Variants in PSMB7 observed in about 807,000 individuals in gnomAD.
The protein encoded by PSMB7 is proteasome subunit beta type-7.
A neutral mutation model predicts 28.1 loss-of-function variants in PSMB7; 5 were observed. The observed-to-expected ratio is 0.18, with a 90% confidence interval of 0.09 to 0.37. The LOEUF (loss-of-function observed/expected upper bound fraction) is 0.37. Ranked by LOEUF, PSMB7 falls within the 10% of genes least tolerant of loss-of-function variation. PSMB7 has a pLI of 1.00. For synonymous variants in PSMB7, 122 were observed against 123.7 expected, an observed-to-expected ratio of 0.99 and a Z score of 0.09; for missense variants, 275 against 346.2, an observed-to-expected ratio of 0.79 and a Z score of 1.63.
In PSMB7 at chr9:124,366,940, A is replaced by G. The variant is rs373085709; in HGVS notation, c.571-10025T>C. ...TAGGTTTGTGTAAGTACATCCTATG[A>G]CATTCACGTGATGACAAAATCACCT... is the stretch of plus-strand genomic sequence containing the variant. On this transcript the variant is annotated intron_variant, in intron 6 of 7. Coordinates refer to ENST00000259457, the MANE Select transcript of PSMB7 (RefSeq NM_002799.4). Among the ~76,000 whole-genome samples, 25 of 152,360 alleles carry G rather than the reference A, an allele frequency of 1.6e-4. 1 individual carries two copies. In the East Asian group the frequency reaches 4.1e-3, roughly 25 times the overall value.
At chr9:124,365,962 T>C (rs1830502929) in intron 6 of PSMB7, among the ~76,000 whole-genome samples, 1 of 152,188 alleles carries the variant, frequency 6.6e-6, no homozygotes. Context: ...TACTATCACT[T>C]TCTACCTTCC....
intron 5 of PSMB7, among the ~76,000 whole-genome samples, chr9:124,393,342 T>A (rs556393135): frequency 1.1e-4 from 17 of 152,358 alleles, no homozygotes; most frequent in Admixed American, 4.6e-4. Context: ...CATCGCTTGC[T>A]GAAATCCAGA....
chr9:124,370,092 A>G (rs574922880), intron 6 of PSMB7, among the ~76,000 whole-genome samples: 247 of 152,348 alleles, frequency 1.6e-3, no homozygotes, highest in Non-Finnish European at 2.9e-3. Flanking sequence ...TCAACAGTTT[A>G]CAGAGGGCTT....
chr9:124,364,135 C>T (rs1013460445), intron 6 of PSMB7, among the ~76,000 whole-genome samples: 2 of 152,188 alleles, frequency 1.3e-5, no homozygotes, highest in African/African-American at 2.4e-5. Flanking sequence ...GCCACACCCC[C>T]GGGTCTGAGC....
At chr9:124,405,191 A>G (rs1830951225) in intron 5 of PSMB7, 126 bp downstream of exon 5, 2 of 644,288 alleles carry the variant, frequency 3.1e-6, no homozygotes, top group South Asian at 1.9e-5. Context: ...AACTCAGTAT[A>G]TATTTGCTGA....
At chr9:124,410,137 G>GGCGCCCGCCACC (rs1208430381) in intron 4 of PSMB7, among the ~76,000 whole-genome samples, 1 of 151,194 alleles carries the variant, frequency 6.6e-6, no homozygotes, top group Non-Finnish European at 1.5e-5. Context: ...TAGGACTACA[G>GGCGCCCGCCACC]GCGCCCGCCA....
chr9:124,382,038 T>C (rs1406427074), intron 6 of PSMB7, among the ~76,000 whole-genome samples: 2 of 151,588 alleles, frequency 1.3e-5, no homozygotes, highest in Non-Finnish European at 2.9e-5. Context: ...GTAGGCAGAC[T>C]GCTTGAGCTC....
intron 5 of PSMB7, among the ~76,000 whole-genome samples, chr9:124,398,038 T>C (rs1830859278): frequency 6.6e-6 from 1 of 151,774 alleles, no homozygotes; most frequent in Non-Finnish European, 1.5e-5. Flanking sequence ...CGTGGCTAAT[T>C]ATAGGCACAC....
rs1202892771 is a variant in PSMB7, at chr9:124,368,822, T to TCAC, written c.571-11908_571-11907insGTG. On this transcript the variant is annotated intron_variant, in intron 6 of 7. Transcript: ENST00000259457. ...CGTAATGATCCCTTCAAGTACCAAC[T>TCAC]TCAGGCCATTTCATGAGAGTGAGTT... Among the ~76,000 whole-genome samples, 56 of 152,302 alleles carry TCAC rather than the reference T, an allele frequency of 3.7e-4. 1 individual carries two copies. The highest frequency in any genetic ancestry group is 1.3e-3 in the African/African-American group (53 of 41,564).
chr9:124,413,458 A>G (rs1318569895), intron 3 of PSMB7, among the ~76,000 whole-genome samples: 1 of 152,164 alleles, frequency 6.6e-6, no homozygotes, highest in East Asian at 1.9e-4. Flanking sequence ...GTCTCTTGAA[A>G]AGCTTTTTAA....
At chr9:124,415,109 T>C (rs887988684) in intron 1 of PSMB7, 174 bp from the exon 2 acceptor site, 3 of 631,566 alleles carry the variant, frequency 4.8e-6, no homozygotes, top group Non-Finnish European at 8.2e-6. Context: ...GAAGACAGTC[T>C]TACAAAGGGG....
At chr9:124,361,492 A>G (rs971947120) in intron 6 of PSMB7, among the ~76,000 whole-genome samples, 1 of 152,352 alleles carries the variant, frequency 6.6e-6, no homozygotes, top group African/African-American at 2.4e-5. Context: ...GTGCCTTAGG[A>G]ATCATACAGA....
At position 124,375,971 on chromosome 9, in the gene PSMB7, G is replaced by A. The variant is rs10986327; in HGVS notation, c.570+8627C>T. On this transcript the variant is annotated intron_variant, in intron 6 of 7. Coordinates refer to ENST00000259457, the MANE Select transcript of PSMB7 (RefSeq NM_002799.4). ...CCCCGTGGCAGGGACAGAGGCATTTGGATCAAGATCACTAATGAATACAGA... is the reference window on the plus strand; with the variant it reads ...CCCCGTGGCAGGGACAGAGGCATTTAGATCAAGATCACTAATGAATACAGA... Among the ~76,000 whole-genome samples, 576 of 152,272 alleles carry A rather than the reference G, an allele frequency of 3.8e-3. 7 individuals carry two copies. The highest frequency in any genetic ancestry group is 0.021 in the East Asian group (109 of 5,170).
chr9:124,380,381 A>G (rs986208654), intron 6 of PSMB7, among the ~76,000 whole-genome samples: 7 of 152,096 alleles, frequency 4.6e-5, no homozygotes, highest in Non-Finnish European at 1.0e-4. Context: ...CTCTACTAAA[A>G]TTCAAAAAAA....
At chr9:124,412,312 G>A (rs1831036154) in intron 4 of PSMB7, 40 bp downstream of exon 4, 1 of 1,587,702 alleles carries the variant, frequency 6.3e-7, no homozygotes, top group African/African-American at 1.3e-5. Context: ...TAAGATATGA[G>A]AAGAAGATAC....
At chr9:124,394,115 G>T (rs1477061051) in intron 5 of PSMB7, among the ~76,000 whole-genome samples, 5 of 152,330 alleles carry the variant, frequency 3.3e-5, no homozygotes, top group Admixed American at 6.5e-5. Context: ...TGATGGACTA[G>T]ACAGTATTAT....
intron 5 of PSMB7, among the ~76,000 whole-genome samples, chr9:124,404,500 T>C (rs1830943889): frequency 6.6e-6 from 1 of 152,176 alleles, no homozygotes. Context: ...TTGGAATATC[T>C]ACATTATAAC....
intron 4 of PSMB7, among the ~76,000 whole-genome samples, chr9:124,407,981 C>T (rs1270512928): frequency 2.0e-5 from 3 of 152,088 alleles, no homozygotes; most frequent in Non-Finnish European, 2.9e-5. Context: ...ACATCGTCTA[C>T]AAAAAGTTTA....
At chr9:124,374,998 G>A (rs146062134) in intron 6 of PSMB7, among the ~76,000 whole-genome samples, 2,731 of 151,714 alleles carry the variant, frequency 0.018, 80 homozygotes, top group African/African-American at 0.061. Flanking sequence ...AAAATCAGCC[G>A]GGCATGGTGG....
Sources: allele counts gnomAD v4.1 joint callset (sites outside exome capture counted in the v4.1 genomes callset), GRCh38; gene constraint gnomAD v4.1.1; transcripts MANE v1.5; gene names NCBI Gene and HGNC (gene_info 2026-07-23, HGNC 2026-07-21).